The following MED24 variants were observed in gnomAD, a reference collection of about 807,000 sequenced individuals.
The protein encoded by MED24 is mediator of RNA polymerase II transcription subunit 24.
MED24 carries 74 observed loss-of-function variants against 118.8 expected under a neutral mutation model. That is an observed-to-expected ratio of 0.62 (90% confidence interval 0.52 to 0.76). MED24 has a LOEUF of 0.76. Among genes scored for constraint, MED24 ranks in the 30% least tolerant of loss-of-function variants. The probability of loss-of-function intolerance (pLI) is 0.00; values close to 1 mark genes in which losing one functional copy is unlikely to be tolerated. For synonymous variants in MED24, 521 were observed against 523.9 expected, an observed-to-expected ratio of 0.99 and a Z score of 0.08; for missense variants, 1,041 against 1,278.9, an observed-to-expected ratio of 0.81 and a Z score of 2.84.
intron 8 of MED24, 62 bp from the exon 9 acceptor site, chr17:40,032,824 A>T (rs1430101306): frequency 2.7e-6 from 4 of 1,489,670 alleles, no homozygotes; most frequent in Non-Finnish European, 3.7e-6. Context: ...CCTTCTGTGG[A>T]CTCTGAGGAT....
chr17:40,053,443 T>C (rs748919060), intron 2 of MED24, 26 bp downstream of exon 2: 2 of 1,613,914 alleles, frequency 1.2e-6, no homozygotes, highest in Non-Finnish European at 1.7e-6. Context: ...ATCCCTCCCA[T>C]CTTTCTTTCC....
intron 3 of MED24, among the ~76,000 whole-genome samples, chr17:40,038,289 T>C (rs1984177931): frequency 1.3e-5 from 2 of 152,282 alleles, no homozygotes; most frequent in South Asian, 4.1e-4. Flanking sequence ...TTCTACTAAC[T>C]AGTTGCCTTC....
rs11555255 is a variant in MED24, at chr17:40,029,853, C to T, written c.1161G>A (p.Ala387=). The change falls in exon 13 of 26, where the codon GCG becomes GCA. Residue 387 remains alanine, a synonymous_variant. Coordinates refer to ENST00000394128, the MANE Select transcript of MED24 (RefSeq NM_014815.4). ...TCTGCTGGGGTGCGTGCTCTCGGTC[C>T]GCTTTGCTGTGGACATCACCAGTTG... ...SVNNLMAKRK[A]DREHAPQQKS... 240,462 of 1,613,080 alleles carry T rather than the reference C, an allele frequency of 0.15. 19,609 individuals are homozygous for T. Among genetic ancestry groups the T allele is most frequent in the African/African-American group, 0.17 (12,403 of 74,960 alleles).
chr17:40,026,035 T>C, intron 19 of MED24, 121 bp downstream of exon 19: 2 of 996,682 alleles, frequency 2.0e-6, no homozygotes, highest in Non-Finnish European at 3.0e-6. Flanking sequence ...AATAGGAAAG[T>C]GAGTGAGTGA....
chr17:40,027,522 T>A, intron 15 of MED24, 57 bp from the exon 16 acceptor site: 1 of 1,527,900 alleles, frequency 6.5e-7, no homozygotes, highest in Admixed American at 1.9e-5. Context: ...AGCCCGTGTC[T>A]GGGTTGACAG....
At chr17:40,020,038 AGC>A (rs993737766) in intron 24 of MED24, 105 bp from the exon 25 acceptor site, 1 of 1,384,992 alleles carries the variant, frequency 7.2e-7, no homozygotes, top group Non-Finnish European at 9.9e-7. Context: ...ACACATGCTG[AGC>A]ATGTCCCCAA....
At chr17:40,032,879 G>A (rs1483625096) in intron 8 of MED24, 117 bp from the exon 9 acceptor site, 1 of 1,285,240 alleles carries the variant, frequency 7.8e-7, no homozygotes, top group East Asian at 2.4e-5. Flanking sequence ...GCTCAGCTAT[G>A]TGCTGAGAAC....
In MED24 at chr17:40,026,766, T is replaced by A. The variant is rs1982700619; in HGVS notation, c.1710-20A>T. On this transcript the variant is annotated intron_variant, in intron 17 of 25. Coordinates refer to ENST00000394128, the MANE Select transcript of MED24 (RefSeq NM_014815.4). ...ATCTGCCTGCGGGTGTGCAGAGAAG[T>A]CAGCACAGGGGAGCAAGGAACGGGC... is the stretch of plus-strand genomic sequence containing the variant. 1 of 1,611,042 alleles carries A rather than the reference T, an allele frequency of 6.2e-7. No individual in the cohort carries two copies. Among genetic ancestry groups the A allele is most frequent in the East Asian group, 2.2e-5 (1 of 44,786 alleles).
intron 18 of MED24, 74 bp downstream of exon 18, chr17:40,026,573 A>T: frequency 7.1e-7 from 1 of 1,403,882 alleles, no homozygotes; most frequent in Middle Eastern, 1.9e-4. Context: ...TCTTGCCCTT[A>T]CGAAATATAA....
In MED24 at chr17:40,053,287, G is replaced by A. The variant is rs199734059; in HGVS notation, c.213+11C>T. ...CTCTCACTTCTTGGTGGGGGTTTGC[G>A]GGAAGCTTACCTGGGAACTAATGGC... On this transcript the variant is annotated intron_variant, in intron 3 of 25. Coordinates refer to ENST00000394128, the MANE Select transcript of MED24 (RefSeq NM_014815.4). The A allele has an allele frequency of 1.2e-4, 193 of 1,591,192 alleles. No individual in the cohort carries two copies. In the African/African-American group the frequency reaches 2.3e-3, roughly 19 times the overall value.
chr17:40,029,707 A>C, intron 13 of MED24, 41 bp downstream of exon 13: 1 of 1,567,212 alleles, frequency 6.4e-7, no homozygotes, highest in Non-Finnish European at 8.8e-7. Flanking sequence ...ACTGGAAAGA[A>C]GAAAGAGAAG....
Position 40,035,170 on chromosome 17 carries a change from A to G in MED24, c.506T>C (p.Leu169Pro). 6.2e-7 allele frequency: 1 copy of G among 1,613,756 alleles called. No individual in the cohort carries two copies. Among genetic ancestry groups the G allele is most frequent in the Non-Finnish European group, 8.5e-7 (1 of 1,179,916 alleles). ...AMCLQRLEKT[L>P]SSTKNRALLH... ...CAGGGCCCGGTTCTTGGTGCTGCTG[A>G]GGGTTTTCTCCAGGCGCTGAAGGCA... The change falls in exon 6 of 26, where the codon CTC becomes CCC. Residue 169 changes from leucine (L) to proline (P), a missense_variant. By Grantham distance (98) the Leu-to-Pro change is moderately conservative. This residue lies in a region of MED24 where 434 missense variants were observed against 514.9 expected (regional missense o/e 0.84). Transcript: ENST00000394128.
At chr17:40,053,729 G>A (rs1598380672) in intron 1 of MED24, 94 bp from the exon 2 acceptor site, 2 of 1,489,102 alleles carry the variant, frequency 1.3e-6, no homozygotes, top group Non-Finnish European at 1.8e-6. Flanking sequence ...GAAGATGCGG[G>A]AAGATTTAAG....
At chr17:40,026,046 T>C in intron 19 of MED24, 110 bp downstream of exon 19, 1 of 1,101,438 alleles carries the variant, frequency 9.1e-7, no homozygotes, top group Non-Finnish European at 1.3e-6. Context: ...GAGTGAGTGA[T>C]CAAGTAGCGT....
At chr17:40,048,911 C>T (rs1312032201) in intron 3 of MED24, among the ~76,000 whole-genome samples, 1 of 152,008 alleles carries the variant, frequency 6.6e-6, no homozygotes, top group Non-Finnish European at 1.5e-5. Context: ...ATATGAGTAA[C>T]CATGGCCCTT....
Position 40,019,452 on chromosome 17 carries a change from T to A in MED24, c.*77A>T. 1 of 1,267,070 alleles carries A rather than the reference T, an allele frequency of 7.9e-7. No homozygotes were observed. Among genetic ancestry groups the A allele is most frequent in the South Asian group, 1.2e-5 (1 of 80,090 alleles). The allele number at this position is 1,267,070 out of a possible 1,614,324, so 78.5% of individuals were successfully genotyped here. A position where few individuals can be genotyped will look rare whatever the true frequency, so the allele number is the denominator to read the frequency against. On this transcript the variant is annotated 3_prime_UTR_variant, in exon 26 of 26. Coordinates refer to ENST00000394128, the MANE Select transcript of MED24 (RefSeq NM_014815.4). ...AGCGGATGTGAGGCACGATGCCTCA[T>A]CTTTCCTCACTGCTTCCCTTGGAGG...
In MED24 at chr17:40,031,629, A is replaced by G; in HGVS notation, c.985-9T>C. On this transcript the variant is annotated splice_polypyrimidine_tract_variant and intron_variant, in intron 10 of 25. Transcript: ENST00000394128. ...ACATCCTCAGTGAAGTCCTAGAAAG[A>G]GGCAGAAGTGTCCATCTGGTTTCCA... is the stretch of plus-strand genomic sequence containing the variant. The G allele has an allele frequency of 6.2e-7, 1 of 1,613,118 alleles. No individual in the cohort carries two copies. The highest frequency in any genetic ancestry group is 8.5e-7 in the Non-Finnish European group (1 of 1,179,170).
At chr17:40,034,280 T>G (rs1983702280) in intron 6 of MED24, among the ~76,000 whole-genome samples, 1 of 152,246 alleles carries the variant, frequency 6.6e-6, no homozygotes, top group Admixed American at 6.5e-5. Context: ...GGGAAGAGGC[T>G]GTCAACACAG....
rs1466021277 is a variant in MED24, at chr17:40,028,968, TCTGGGGA to T, written c.1267-7_1267-1del. The T allele has an allele frequency of 6.2e-7, 1 of 1,614,166 alleles. No homozygotes were observed. Among genetic ancestry groups the T allele is most frequent in the African/African-American group, 1.3e-5 (1 of 75,028 alleles). On this transcript the variant is annotated splice_acceptor_variant and splice_polypyrimidine_tract_variant and intron_variant, in intron 13 of 25. Transcript: ENST00000394128. LOFTEE classifies it high-confidence loss of function. Reference sequence around the variant, plus strand: ...GACTTAGAGTGGTCTGCATCCATCGTCTGGGGACAGGACAGGAAATCAAGTCCTGAAG... The same window carrying T: ...GACTTAGAGTGGTCTGCATCCATCGTCAGGACAGGAAATCAAGTCCTGAAG...
Sources: gnomAD v4.1 joint callset for allele counts (sites outside exome capture counted in the v4.1 genomes callset) on GRCh38, gnomAD v4.1.1 for gene constraint, gnomAD v4.1.1 regional missense constraint, MANE v1.5 for transcripts, NCBI Gene and HGNC (gene_info 2026-07-23, HGNC 2026-07-21) for gene names.